AFF3: variants seen among roughly 807,000 people sequenced by gnomAD.
The protein encoded by AFF3 is ALF transcription elongation factor 3.
AFF3 carries 32 observed loss-of-function variants against 129.7 expected under a neutral mutation model. The observed-to-expected ratio is 0.25, with a 90% CI of 0.19 to 0.33. The LOEUF is 0.33. Ranked by LOEUF, AFF3 falls within the 10% of genes least tolerant of loss-of-function variation. AFF3 has a pLI of 1.00. For missense variants in AFF3, 1,373 were observed against 1,592.0 expected, an observed-to-expected ratio of 0.86 and a Z score of 2.34; for synonymous variants, 644 against 635.4, an observed-to-expected ratio of 1.01 and a Z score of -0.20.
At chr2:100,081,993 G>A (rs1004728976) in intron 4 of AFF3, among the ~76,000 whole-genome samples, 4 of 152,100 alleles carry the variant, frequency 2.6e-5, no homozygotes, top group East Asian at 1.9e-4. Context: ...GCTCTTGTGC[G>A]TTTTTTAAAT....
At chr2:99,692,352 C>A (rs376495071) in intron 11 of AFF3, among the ~76,000 whole-genome samples, 1 of 152,220 alleles carries the variant, frequency 6.6e-6, no homozygotes, top group South Asian at 2.1e-4. Flanking sequence ...CTGCTCTCCC[C>A]CTTCTTCAGC....
intron 4 of AFF3, among the ~76,000 whole-genome samples, chr2:100,082,625 T>C (rs1378165534): frequency 6.6e-6 from 1 of 152,174 alleles, no homozygotes; most frequent in African/African-American, 2.4e-5. Flanking sequence ...ATTTGAATAT[T>C]GCATAATGGA....
intron 4 of AFF3, among the ~76,000 whole-genome samples, chr2:100,014,486 C>T (rs1276290468): frequency 1.3e-5 from 2 of 152,138 alleles, no homozygotes; most frequent in Admixed American, 6.5e-5. Flanking sequence ...AGCCATCCTG[C>T]TGATGAGAAG....
At chr2:100,044,796 A>G (rs1337470343) in intron 4 of AFF3, among the ~76,000 whole-genome samples, 1 of 152,048 alleles carries the variant, frequency 6.6e-6, no homozygotes, top group Non-Finnish European at 1.5e-5. Flanking sequence ...ACTGTACAAC[A>G]GTACTGTCCG....
chr2:100,122,671 AG>A (rs1692026977), intron 2 of AFF3, among the ~76,000 whole-genome samples: 1 of 152,220 alleles, frequency 6.6e-6, no homozygotes, highest in African/African-American at 2.4e-5. Flanking sequence ...TCTAGAGAAG[AG>A]AGGAAAGCAA....
intron 11 of AFF3, among the ~76,000 whole-genome samples, chr2:99,680,208 G>A (rs1165474906): frequency 1.3e-5 from 2 of 152,118 alleles, no homozygotes; most frequent in Non-Finnish European, 2.9e-5. Flanking sequence ...AAAGAGGGCT[G>A]GATATACTCT....
At chr2:99,797,505 A>G (rs1685631704) in intron 8 of AFF3, among the ~76,000 whole-genome samples, 1 of 152,104 alleles carries the variant, frequency 6.6e-6, no homozygotes, top group Non-Finnish European at 1.5e-5. Flanking sequence ...TAGAAAATAT[A>G]TTTAAATAAA....
intron 7 of AFF3, among the ~76,000 whole-genome samples, chr2:99,874,184 A>C (rs79302264): frequency 5.3e-5 from 8 of 152,274 alleles, no homozygotes; most frequent in East Asian, 3.9e-4. Flanking sequence ...CTCAAAAAAA[A>C]CAAAAAACTC....
chr2:99,865,660 A>G (rs1691335267), intron 7 of AFF3, among the ~76,000 whole-genome samples: 1 of 152,224 alleles, frequency 6.6e-6, no homozygotes, highest in Non-Finnish European at 1.5e-5. Flanking sequence ...CAAAGAAGCA[A>G]GTTGATGAAA....
rs148793293 is a variant in AFF3 at position 99,558,391 on chromosome 2, C to G, written c.3285+484G>C. Among the ~76,000 whole-genome samples, 74 of 152,132 alleles carry G rather than the reference C, an allele frequency of 4.9e-4. 1 individual carries two copies. The East Asian group carries it at 0.014, about 29-fold the overall frequency. Reference sequence around the variant, plus strand: ...TTCCTAGCACTCTGGGAGGTGGAGGCGGGGAGATCACCTGAGGTCAGGAGT... The same window carrying G: ...TTCCTAGCACTCTGGGAGGTGGAGGGGGGGAGATCACCTGAGGTCAGGAGT... On this transcript the variant is annotated intron_variant, in intron 22 of 24. Transcript: ENST00000672756.
chr2:99,658,273 G>C (rs182347269), intron 12 of AFF3, among the ~76,000 whole-genome samples: 13 of 152,336 alleles, frequency 8.5e-5, no homozygotes, highest in Non-Finnish European at 1.8e-4. Flanking sequence ...ATAGGTGAGA[G>C]GGGCCCTGAA....
At chr2:99,981,074 G>C (rs1373662430) in intron 7 of AFF3, among the ~76,000 whole-genome samples, 1 of 152,180 alleles carries the variant, frequency 6.6e-6, no homozygotes, top group Non-Finnish European at 1.5e-5. Context: ...GGAGTGCAAT[G>C]GCGTGATCTC....
At chr2:99,809,122 G>A (rs1028663284) in intron 8 of AFF3, among the ~76,000 whole-genome samples, 39 of 152,336 alleles carry the variant, frequency 2.6e-4, no homozygotes, top group African/African-American at 9.4e-4. Flanking sequence ...TCGAAGTGCA[G>A]TATTAGTGTT....
chr2:99,776,585 C>G (rs1258519738), intron 8 of AFF3, among the ~76,000 whole-genome samples: 1 of 152,148 alleles, frequency 6.6e-6, no homozygotes, highest in African/African-American at 2.4e-5. Flanking sequence ...AGGATGAATC[C>G]TGCACCTGTG....
At chr2:100,039,358 A>T (rs1185993471) in intron 4 of AFF3, among the ~76,000 whole-genome samples, 1 of 152,138 alleles carries the variant, frequency 6.6e-6, no homozygotes, top group Admixed American at 6.5e-5. Context: ...TAGGTGGTCG[A>T]GATCAACCTG....
intron 11 of AFF3, among the ~76,000 whole-genome samples, chr2:99,675,155 TA>T (rs1244249217): frequency 6.6e-6 from 1 of 152,142 alleles, no homozygotes; most frequent in African/African-American, 2.4e-5. Flanking sequence ...TCTCTTATAT[TA>T]AAAAAATGAA....
chr2:99,854,972 C>T (rs1230072520), intron 7 of AFF3, among the ~76,000 whole-genome samples: 1 of 152,018 alleles, frequency 6.6e-6, no homozygotes, highest in Non-Finnish European at 1.5e-5. Context: ...TGAACCTTGC[C>T]CCATAGCACA....
At chr2:99,843,542 C>G (rs1305933527) in intron 7 of AFF3, among the ~76,000 whole-genome samples, 1 of 152,180 alleles carries the variant, frequency 6.6e-6, no homozygotes, top group East Asian at 1.9e-4. Context: ...TTTAATCCAT[C>G]CCTATTTTTC....
chr2:99,587,794 G>A (rs1678275974), intron 15 of AFF3, among the ~76,000 whole-genome samples: 1 of 150,988 alleles, frequency 6.6e-6, no homozygotes, highest in Non-Finnish European at 1.5e-5. Context: ...GGCGAATCAC[G>A]AGGTCAGGAG....
Sources: allele counts gnomAD v4.1 joint callset (sites outside exome capture counted in the v4.1 genomes callset), GRCh38; gene constraint gnomAD v4.1.1; transcripts MANE v1.5; gene names NCBI Gene and HGNC (gene_info 2026-07-23, HGNC 2026-07-21).